The following DNAJC6 variants were observed in gnomAD, a reference collection of about 807,000 sequenced individuals.
DNAJC6 encodes auxilin.
Under a neutral mutation model 110.0 loss-of-function variants are expected in DNAJC6, and 34 were observed. The observed-to-expected ratio is 0.31, with a 90% CI of 0.24 to 0.41. The LOEUF (loss-of-function observed/expected upper bound fraction) is 0.41. DNAJC6 is among the 10% of genes least tolerant of loss of function. The pLI, the probability that DNAJC6 is intolerant of heterozygous loss-of-function variation, is 1.00. For synonymous variants in DNAJC6, 406 were observed against 437.2 expected, an observed-to-expected ratio of 0.93 and a Z score of 0.89; for missense variants, 1,031 against 1,207.8, an observed-to-expected ratio of 0.85 and a Z score of 2.17.
At chr1:65,377,987 C>T (rs150597747) in intron 4 of DNAJC6, among the ~76,000 whole-genome samples, 10 of 152,190 alleles carry the variant, frequency 6.6e-5, no homozygotes, top group Non-Finnish European at 1.2e-4. Context: ...TCAGGCTTGA[C>T]TCTTTCCTCT....
At chr1:65,349,696 A>G (rs1009356777) in intron 1 of DNAJC6, among the ~76,000 whole-genome samples, 12 of 151,608 alleles carry the variant, frequency 7.9e-5, no homozygotes, top group African/African-American at 2.7e-4. Context: ...GTTCCGCTAT[A>G]TGTAATGTAT....
At chr1:65,403,758 A>G (rs1646050662) in intron 15 of DNAJC6, among the ~76,000 whole-genome samples, 1 of 152,212 alleles carries the variant, frequency 6.6e-6, no homozygotes, top group Non-Finnish European at 1.5e-5. Context: ...CTTCAATAGC[A>G]TTAACAATTA....
chr1:65,347,837 T>C (rs1645452244), intron 1 of DNAJC6, among the ~76,000 whole-genome samples: 1 of 152,126 alleles, frequency 6.6e-6, no homozygotes, highest in Non-Finnish European at 1.5e-5. Context: ...GTTGCATATA[T>C]TGGTTGACTC....
chr1:65,399,786 G>A (rs1646013005), intron 14 of DNAJC6, among the ~76,000 whole-genome samples: 1 of 152,176 alleles, frequency 6.6e-6, no homozygotes, highest in South Asian at 2.1e-4. Context: ...GAATCATACA[G>A]CATTTGACTT....
chr1:65,399,260 T>C (rs1286818275), intron 14 of DNAJC6, among the ~76,000 whole-genome samples: 3 of 152,072 alleles, frequency 2.0e-5, no homozygotes, highest in Admixed American at 2.0e-4. Flanking sequence ...TAAGTTTAAA[T>C]AAAAAAAACT....
At chr1:65,347,930 G>A (rs1402547094) in intron 1 of DNAJC6, among the ~76,000 whole-genome samples, 1 of 152,156 alleles carries the variant, frequency 6.6e-6, no homozygotes, top group Non-Finnish European at 1.5e-5. Flanking sequence ...CTAGTTTTTA[G>A]CATAGTACAG....
intron 1 of DNAJC6, among the ~76,000 whole-genome samples, chr1:65,300,060 A>AG (rs765951743): frequency 0.055 from 8,160 of 149,674 alleles, 299 homozygotes; most frequent in Non-Finnish European, 0.076. Context: ...AAAAAAAAAA[A>AG]AAAGAAAAAA....
At chr1:65,395,289 A>G (rs1384703737) in intron 13 of DNAJC6, among the ~76,000 whole-genome samples, 5 of 152,192 alleles carry the variant, frequency 3.3e-5, no homozygotes, top group African/African-American at 1.2e-4. Flanking sequence ...AGCTACATGG[A>G]CAGAATCATA....
intron 6 of DNAJC6, among the ~76,000 whole-genome samples, chr1:65,384,846 T>G (rs1645855612): frequency 2.0e-5 from 3 of 152,210 alleles, no homozygotes; most frequent in Admixed American, 1.3e-4. Flanking sequence ...GATTAGGATA[T>G]TAGATTGTCA....
At chr1:65,305,911 T>C (rs777738897), upstream of DNAJC6, among the ~76,000 whole-genome samples, 1 of 152,148 alleles carries the variant, frequency 6.6e-6, no homozygotes, top group Non-Finnish European at 1.5e-5. Flanking sequence ...AAGCACTTAT[T>C]ATATGTTAGG....
At chr1:65,332,242 C>G (rs573340133) in intron 1 of DNAJC6, among the ~76,000 whole-genome samples, 1 of 152,264 alleles carries the variant, frequency 6.6e-6, no homozygotes. Context: ...ACTCTCTTTT[C>G]CAGCTCCAAA....
chr1:65,372,461 G>C (rs962828698), intron 4 of DNAJC6, among the ~76,000 whole-genome samples: 1 of 152,098 alleles, frequency 6.6e-6, no homozygotes. Flanking sequence ...TTACAAAAAT[G>C]AGTAAGTTAT....
chr1:65,300,986 T>G (rs1462943765), intron 1 of DNAJC6, among the ~76,000 whole-genome samples: 3 of 152,190 alleles, frequency 2.0e-5, no homozygotes, highest in Non-Finnish European at 2.9e-5. Context: ...TCACACATAA[T>G]GGGCTCAGGG....
chr1:65,336,708 G>A (rs1352216299), intron 1 of DNAJC6, among the ~76,000 whole-genome samples: 1 of 152,150 alleles, frequency 6.6e-6, no homozygotes, highest in African/African-American at 2.4e-5. Context: ...TGTAGTCCTA[G>A]TTACAGGGGA....
In DNAJC6 at chr1:65,411,405, C is replaced by G. The variant is rs1427366273; in HGVS notation, c.2790C>G (p.Val930=). The change falls in exon 18 of 19, where the codon GTC becomes GTG. Residue 930 remains valine (V), a synonymous_variant. Transcript: ENST00000371069. The part of the protein sequence containing the change: ...EQVKKVYRKA[V]LVVHPDKATG... ...TGAAGAAGGTGTACAGGAAGGCTGT[C>G]CTGGTGGTGCACCCAGATAAAGTGG... 1 of 1,613,912 alleles carries G rather than the reference C, an allele frequency of 6.2e-7. No homozygotes were observed. Among genetic ancestry groups the G allele is most frequent in the Admixed American group, 1.7e-5 (1 of 59,998 alleles).
chr1:65,370,988 A>G (rs1469973419), intron 4 of DNAJC6, among the ~76,000 whole-genome samples: 2 of 152,150 alleles, frequency 1.3e-5, no homozygotes, highest in Non-Finnish European at 2.9e-5. Flanking sequence ...CAGTGTCAGG[A>G]CAAGAAATAA....
chr1:65,386,462 A>AT (rs1384386652), intron 7 of DNAJC6, among the ~76,000 whole-genome samples: 2 of 152,140 alleles, frequency 1.3e-5, no homozygotes, highest in African/African-American at 2.4e-5. Context: ...TCTCCAGTGG[A>AT]TTTTTTGTTC....
intron 5 of DNAJC6, 141 bp downstream of exon 5, chr1:65,379,665 G>A (rs1645799784): frequency 8.1e-7 from 1 of 1,233,958 alleles, no homozygotes; most frequent in Non-Finnish European, 1.1e-6. Context: ...TGTGAGAGTT[G>A]TAAAAATAAG....
At chr1:65,399,015 T>A in intron 14 of DNAJC6, 134 bp downstream of exon 14, 1 of 870,320 alleles carries the variant, frequency 1.1e-6, no homozygotes, top group Admixed American at 2.3e-5. Context: ...AAGATTCATA[T>A]TCTAGAAGAG....
Sources: allele counts gnomAD v4.1 joint callset (sites outside exome capture counted in the v4.1 genomes callset), GRCh38; gene constraint gnomAD v4.1.1; transcripts MANE v1.5; gene names NCBI Gene and HGNC (gene_info 2026-07-23, HGNC 2026-07-21).